Variants in MAP4K3 observed in about 807,000 individuals in gnomAD.
MAP4K3 encodes MAPK/ERK kinase kinase kinase 3.
In MAP4K3, 94 loss-of-function variants were observed where a neutral mutation model predicts 143.5. The observed-to-expected ratio is 0.65, with a 90% CI of 0.55 to 0.78. MAP4K3 has a LOEUF of 0.78. Among genes scored for constraint, MAP4K3 ranks in the 30% least tolerant of loss-of-function variants. The pLI, the probability that MAP4K3 is intolerant of heterozygous loss-of-function variation, is 0.00. For synonymous variants in MAP4K3, 416 were observed against 347.2 expected, an observed-to-expected ratio of 1.20 and a Z score of -2.20; for missense variants, 1,077 against 1,068.1, an observed-to-expected ratio of 1.01 and a Z score of -0.12.
chr2:39,305,045 G>C (rs1421953897), intron 15 of MAP4K3, among the ~76,000 whole-genome samples: 1 of 152,142 alleles, frequency 6.6e-6, no homozygotes, highest in Non-Finnish European at 1.5e-5. Flanking sequence ...TCGCTGCCAG[G>C]GGCTGGAGGG....
chr2:39,360,851 C>A (rs576734301), intron 2 of MAP4K3, among the ~76,000 whole-genome samples: 1 of 152,200 alleles, frequency 6.6e-6, no homozygotes, highest in Admixed American at 6.5e-5. Flanking sequence ...CAATTACCTC[C>A]CACAAAGTCC....
At chr2:39,403,759 C>A (rs1231475039) in intron 1 of MAP4K3, among the ~76,000 whole-genome samples, 1 of 151,500 alleles carries the variant, frequency 6.6e-6, no homozygotes, top group Non-Finnish European at 1.5e-5. Flanking sequence ...CCAGCCAGGG[C>A]AGCTAAGGGA....
chr2:39,263,125 A>G (rs879427014), intron 28 of MAP4K3, among the ~76,000 whole-genome samples: 13 of 152,092 alleles, frequency 8.5e-5, no homozygotes, highest in Admixed American at 5.9e-4. Flanking sequence ...TGATGCAAAA[A>G]CTGTCAGAAA....
In MAP4K3 at chr2:39,272,673, T is replaced by G; in HGVS notation, c.1795-131A>C. ...AAAGTAAATTATTTTTAACATAAAT[T>G]AACTTTATCAAGGATTCAAACCAAG... is the stretch of plus-strand genomic sequence containing the variant. On this transcript the variant is annotated intron_variant, in intron 24 of 33. Transcript: ENST00000263881. 4.5e-6 allele frequency: 3 copies of G among 666,802 alleles called. No homozygotes were observed. In the South Asian group the frequency reaches 6.1e-5, roughly 14 times the overall value. 41.3% of individuals were successfully genotyped at this position (666,802 alleles called of 1,614,324 possible). A position where few individuals can be genotyped will look rare whatever the true frequency, so the allele number is the denominator to read the frequency against.
chr2:39,380,731 C>T (rs1405624059), intron 1 of MAP4K3, among the ~76,000 whole-genome samples: 1 of 152,098 alleles, frequency 6.6e-6, no homozygotes, highest in Non-Finnish European at 1.5e-5. Context: ...GGGTACAACA[C>T]ATCATTGCTT....
chr2:39,317,464 A>C (rs1304249217), intron 12 of MAP4K3, among the ~76,000 whole-genome samples: 1 of 152,206 alleles, frequency 6.6e-6, no homozygotes, highest in African/African-American at 2.4e-5. Flanking sequence ...CTATCAACAG[A>C]GTAAACAGAC....
At chr2:39,321,760 T>C (rs1288079794) in intron 12 of MAP4K3, among the ~76,000 whole-genome samples, 3 of 152,228 alleles carry the variant, frequency 2.0e-5, no homozygotes, top group Non-Finnish European at 4.4e-5. Context: ...AGGTGGGACA[T>C]GCGGGCAACA....
chr2:39,373,775 G>C (rs1414161980), intron 2 of MAP4K3, among the ~76,000 whole-genome samples: 1 of 152,160 alleles, frequency 6.6e-6, no homozygotes, highest in Non-Finnish European at 1.5e-5. Context: ...TAGAAGCATG[G>C]TTACCATAGG....
At chr2:39,298,976 A>AC (rs1553408160) in intron 16 of MAP4K3, among the ~76,000 whole-genome samples, 6 of 151,894 alleles carry the variant, frequency 4.0e-5, no homozygotes, top group Non-Finnish European at 7.4e-5. Flanking sequence ...AAAAAAAAAA[A>AC]AAAAAAGGAA....
intron 28 of MAP4K3, among the ~76,000 whole-genome samples, chr2:39,264,584 T>C (rs1680695490): frequency 6.6e-6 from 1 of 152,214 alleles, no homozygotes; most frequent in African/African-American, 2.4e-5. Flanking sequence ...TCAGTCCATA[T>C]ATAATAGCAT....
chr2:39,396,373 A>G (rs1018623985), intron 1 of MAP4K3, among the ~76,000 whole-genome samples: 3 of 152,102 alleles, frequency 2.0e-5, no homozygotes, highest in Admixed American at 6.5e-5. Flanking sequence ...TTAATATTCC[A>G]TAGTCCACTT....
At chr2:39,406,801 G>A (rs1370137369) in intron 1 of MAP4K3, among the ~76,000 whole-genome samples, 5 of 152,132 alleles carry the variant, frequency 3.3e-5, no homozygotes, top group Non-Finnish European at 4.4e-5. Context: ...AAAACTCACT[G>A]GTAACAGTAC....
At chr2:39,268,657 T>TTTTTTTTTTG in intron 26 of MAP4K3, among the ~76,000 whole-genome samples, 1 of 142,264 alleles carries the variant, frequency 7.0e-6, no homozygotes. Context: ...TTTTTTTTTT[T>TTTTTTTTTTG]GAGACGGAGT....
intron 1 of MAP4K3, among the ~76,000 whole-genome samples, chr2:39,385,438 G>A (rs963602449): frequency 2.6e-5 from 4 of 151,296 alleles, no homozygotes; most frequent in Non-Finnish European, 4.4e-5. Context: ...GACTAATGAT[G>A]CTCTTAGTCT....
rs70954799 is a variant in MAP4K3 at position 39,268,634 on chromosome 2, A to ATTT, written c.1974-1390_1974-1388dup. On this transcript the variant is annotated intron_variant, in intron 26 of 33. Transcript: ENST00000263881. ...CTGTGCCCGGCTAAAGATTTTTTCT[A>ATTT]TTTTTTTTTTTTTTTTTTTTTTTGA... is the stretch of plus-strand genomic sequence containing the variant. Among the ~76,000 whole-genome samples, 125 of 73,782 alleles carry ATTT rather than the reference A, an allele frequency of 1.7e-3. 13 individuals are homozygous for ATTT. Among genetic ancestry groups the ATTT allele is most frequent in the African/African-American group, 4.9e-3 (94 of 19,076 alleles). The allele number at this position is 73,782 out of a possible 152,430, so 48.4% of individuals were successfully genotyped here.
intron 1 of MAP4K3, among the ~76,000 whole-genome samples, chr2:39,413,108 T>A (rs1667274481): frequency 6.6e-6 from 1 of 152,204 alleles, no homozygotes; most frequent in Non-Finnish European, 1.5e-5. Context: ...AGAAAGTACA[T>A]CTCGATGTTC....
At chr2:39,255,446 C>T (rs1407689333) in intron 31 of MAP4K3, among the ~76,000 whole-genome samples, 1 of 152,116 alleles carries the variant, frequency 6.6e-6, no homozygotes, top group East Asian at 1.9e-4. Flanking sequence ...GTACCAGCAT[C>T]ATTTGTTGAA....
chr2:39,295,750 CT>C (rs1682254243), intron 16 of MAP4K3, among the ~76,000 whole-genome samples: 2 of 91,000 alleles, frequency 2.2e-5, no homozygotes, highest in Non-Finnish European at 4.2e-5. Flanking sequence ...TGGAGTCTTG[CT>C]TTTTTGGTCC....
At chr2:39,395,696 G>A (rs572110309) in intron 1 of MAP4K3, among the ~76,000 whole-genome samples, 3 of 152,098 alleles carry the variant, frequency 2.0e-5, no homozygotes, top group South Asian at 2.1e-4. Context: ...CTACTATAGC[G>A]CTCTACATTT....
Sources: gnomAD v4.1 joint callset for allele counts (sites outside exome capture counted in the v4.1 genomes callset) on GRCh38, gnomAD v4.1.1 for gene constraint, MANE v1.5 for transcripts, NCBI Gene and HGNC (gene_info 2026-07-23, HGNC 2026-07-21) for gene names.